Variants in THSD7A observed in about 807,000 individuals in gnomAD.
THSD7A encodes thrombospondin type-1 domain-containing protein 7A.
THSD7A carries 96 observed loss-of-function variants against 231.3 expected under a neutral mutation model. The ratio of observed to expected loss-of-function variants is 0.41; its 90% CI spans 0.35 to 0.49. THSD7A has a LOEUF of 0.49. THSD7A is among the 20% of genes least tolerant of loss of function. The pLI, the probability that THSD7A is intolerant of heterozygous loss-of-function variation, is 0.05. For missense variants in THSD7A, 2,290 were observed against 2,070.2 expected, an observed-to-expected ratio of 1.11 and a Z score of -2.06; for synonymous variants, 940 against 743.3, an observed-to-expected ratio of 1.26 and a Z score of -4.30.
chr7:11,611,856 A>ATCTG (rs1780943205), intron 2 of THSD7A, among the ~76,000 whole-genome samples: 1 of 149,082 alleles, frequency 6.7e-6, no homozygotes, highest in African/African-American at 2.5e-5. Flanking sequence ...CTATCTATCT[A>ATCTG]TCTATCTATC....
In THSD7A at chr7:11,610,963, G is replaced by A. The variant is rs1780901461; in HGVS notation, c.1023-17461C>T. 3.9e-5 allele frequency among the ~76,000 whole-genome samples: 6 copies of A among 152,104 alleles called. No homozygotes were observed. The South Asian group carries it at 8.3e-4, about 21-fold the overall frequency. ...TTGAATTTACAAGGAAGAGGATGCCGAAGGGATATTAACACAAAGAACAGC... is the reference window on the plus strand; with the variant it reads ...TTGAATTTACAAGGAAGAGGATGCCAAAGGGATATTAACACAAAGAACAGC... On this transcript the variant is annotated intron_variant, in intron 2 of 27. Coordinates refer to ENST00000423059, the MANE Select transcript of THSD7A (RefSeq NM_015204.3).
intron 2 of THSD7A, among the ~76,000 whole-genome samples, chr7:11,619,260 TG>T (rs1781223699): frequency 6.6e-6 from 1 of 152,126 alleles, no homozygotes. Context: ...TGCCCAGATG[TG>T]ATTTAACTAT....
chr7:11,710,253 TA>T (rs1264654277), intron 1 of THSD7A, among the ~76,000 whole-genome samples: 20 of 139,096 alleles, frequency 1.4e-4, no homozygotes, highest in African/African-American at 5.4e-4. Flanking sequence ...AAGGATAAAT[TA>T]AACACACTTT....
chr7:11,716,950 T>C (rs112063632), intron 1 of THSD7A, among the ~76,000 whole-genome samples: 4 of 151,570 alleles, frequency 2.6e-5, no homozygotes, highest in African/African-American at 7.2e-5. Context: ...CTTTATGAAA[T>C]AGAACCACCT....
intron 6 of THSD7A, among the ~76,000 whole-genome samples, chr7:11,510,464 A>G (rs1323881330): frequency 6.6e-6 from 1 of 152,174 alleles, no homozygotes; most frequent in Non-Finnish European, 1.5e-5. Flanking sequence ...TGGCAGACAC[A>G]CAGCAACAAA....
intron 2 of THSD7A, among the ~76,000 whole-genome samples, chr7:11,630,262 G>T (rs1468404961): frequency 6.6e-6 from 1 of 152,142 alleles, no homozygotes; most frequent in Non-Finnish European, 1.5e-5. Flanking sequence ...ACAATTTTCT[G>T]CTCAACAGTT....
chr7:11,415,597 A>G (rs1750038527), intron 17 of THSD7A, among the ~76,000 whole-genome samples: 1 of 152,124 alleles, frequency 6.6e-6, no homozygotes, highest in South Asian at 2.1e-4. Context: ...CTCTTCGAAC[A>G]TTCACCTTAC....
At chr7:11,752,141 A>C (rs566406555) in intron 1 of THSD7A, among the ~76,000 whole-genome samples, 2 of 152,142 alleles carry the variant, frequency 1.3e-5, no homozygotes, top group East Asian at 3.9e-4. Flanking sequence ...ATCATGAGGC[A>C]CCTATGGCCT....
Position 11,832,087 on chromosome 7 carries a change from A to AGC in THSD7A, c.-143_-142dup. On this transcript the variant is annotated 5_prime_UTR_variant, in exon 1 of 28. Coordinates refer to ENST00000423059, the MANE Select transcript of THSD7A (RefSeq NM_015204.3). ...TTCGCTTCAGATGAGAAGGAGGGAG[A>AGC]GCGCGTCTAACACCAGGGAACAATA... 1 of 532,434 alleles carries AGC rather than the reference A, an allele frequency of 1.9e-6. No individual in the cohort carries two copies. The highest frequency in any genetic ancestry group is 4.3e-5 in the East Asian group (1 of 23,496). The allele number at this position is 532,434 out of a possible 1,614,324, so 33.0% of individuals were successfully genotyped here.
chr7:11,563,279 T>C (rs540224280), intron 4 of THSD7A, among the ~76,000 whole-genome samples: 1 of 152,218 alleles, frequency 6.6e-6, no homozygotes, highest in South Asian at 2.1e-4. Context: ...AAATAATGCT[T>C]GAGAATTATC....
intron 1 of THSD7A, among the ~76,000 whole-genome samples, chr7:11,735,347 A>C (rs1781879846): frequency 6.6e-6 from 1 of 151,944 alleles, no homozygotes; most frequent in African/African-American, 2.4e-5. Flanking sequence ...CAAAATCTGA[A>C]ATGCTCCGAA....
At chr7:11,439,500 A>C in intron 13 of THSD7A, among the ~76,000 whole-genome samples, 1 of 151,978 alleles carries the variant, frequency 6.6e-6, no homozygotes, top group East Asian at 1.9e-4. Flanking sequence ...TTACTATTGT[A>C]ATTGTTTGGG....
chr7:11,429,569 A>C (rs1347034006), intron 13 of THSD7A, among the ~76,000 whole-genome samples: 1 of 152,206 alleles, frequency 6.6e-6, no homozygotes, highest in Non-Finnish European at 1.5e-5. Context: ...CCTTTCACTC[A>C]ATACCCAAAA....
At chr7:11,408,671 A>AATTT (rs1283391805) in intron 19 of THSD7A, among the ~76,000 whole-genome samples, 4 of 152,116 alleles carry the variant, frequency 2.6e-5, no homozygotes, top group African/African-American at 9.7e-5. Context: ...TAATGGCAAA[A>AATTT]ATTTATTTTG....
chr7:11,426,539 G>A (rs78685752), intron 15 of THSD7A, 127 bp downstream of exon 15: 21,838 of 1,055,638 alleles, frequency 0.021, 243 homozygotes, highest in Non-Finnish European at 0.024. Context: ...TTCTTTAATG[G>A]AAAATATGAC....
chr7:11,487,010 T>C (rs1202968340), intron 6 of THSD7A, among the ~76,000 whole-genome samples: 5 of 152,208 alleles, frequency 3.3e-5, no homozygotes, highest in Non-Finnish European at 2.9e-5. Context: ...CAAAATGAGA[T>C]TTAAATGTTT....
chr7:11,491,883 G>A (rs1786907435), intron 6 of THSD7A, among the ~76,000 whole-genome samples: 2 of 152,064 alleles, frequency 1.3e-5, no homozygotes, highest in South Asian at 4.2e-4. Flanking sequence ...GCTCTTTTTG[G>A]GTGAGCCCTT....
chr7:11,564,739 C>T (rs956810113), intron 4 of THSD7A, among the ~76,000 whole-genome samples: 10 of 152,068 alleles, frequency 6.6e-5, no homozygotes, highest in African/African-American at 1.4e-4. Flanking sequence ...TCTATGCCCA[C>T]GATGCCATAT....
chr7:11,660,644 G>A (rs1039771375), intron 1 of THSD7A, among the ~76,000 whole-genome samples: 1 of 151,352 alleles, frequency 6.6e-6, no homozygotes, highest in African/African-American at 2.4e-5. Context: ...TGAAATTCCT[G>A]ATTAATTTTT....
Sources: allele counts gnomAD v4.1 joint callset (sites outside exome capture counted in the v4.1 genomes callset), GRCh38; gene constraint gnomAD v4.1.1; transcripts MANE v1.5; gene names NCBI Gene and HGNC (gene_info 2026-07-23, HGNC 2026-07-21).